Variants in PTPRD observed in about 807,000 individuals in gnomAD.
The protein encoded by PTPRD is protein tyrosine phosphatase receptor type D, also known as receptor-type tyrosine-protein phosphatase delta.
PTPRD carries 34 observed loss-of-function variants against 214.5 expected under a neutral mutation model. The ratio of observed to expected loss-of-function variants is 0.16; its 90% confidence interval spans 0.12 to 0.21. PTPRD has a LOEUF of 0.21. Among genes scored for constraint, PTPRD ranks in the 10% least tolerant of loss-of-function variants. The pLI is 1.00. For synonymous variants in PTPRD, 1,128 were observed against 845.7 expected (o/e 1.33, Z -5.79); for missense variants, 2,545 against 2,398.7 (o/e 1.06, Z -1.27).
At chr9:10,060,718 A>T (rs1050263234) in intron 3 of PTPRD, among the ~76,000 whole-genome samples, 1 of 151,850 alleles carries the variant, frequency 6.6e-6, no homozygotes, top group Non-Finnish European at 1.5e-5. Context: ...AAAAAGTATT[A>T]TATTTGAAAG....
intron 11 of PTPRD, among the ~76,000 whole-genome samples, chr9:9,012,632 G>A (rs2099516327): frequency 1.3e-5 from 2 of 152,128 alleles, no homozygotes; most frequent in African/African-American, 2.4e-5. Flanking sequence ...AAGTGGATGT[G>A]AGAACAAAAC....
chr9:9,411,623 G>A (rs564481271), intron 8 of PTPRD, among the ~76,000 whole-genome samples: 4 of 152,148 alleles, frequency 2.6e-5, no homozygotes, highest in Admixed American at 6.5e-5. Context: ...TGTATGCTGC[G>A]AAGTTGAAAG....
At chr9:8,919,962 G>T (rs549275431) in intron 11 of PTPRD, among the ~76,000 whole-genome samples, 1 of 151,010 alleles carries the variant, frequency 6.6e-6, no homozygotes, top group East Asian at 2.0e-4. Flanking sequence ...ATGTATACGT[G>T]TGTATGCATG....
At position 9,535,956 on chromosome 9, in the gene PTPRD, C is replaced by T. The variant is rs902630045; in HGVS notation, c.-237+38776G>A. The stretch of plus-strand genomic sequence containing the variant: ...ATTTGAATATGCTTGTTTAACTACT[C>T]CTAAGAGAAATCTTGTTCCTAACCA... On this transcript the variant is annotated intron_variant, in intron 8 of 45. Coordinates refer to ENST00000381196, the MANE Select transcript of PTPRD (RefSeq NM_002839.4). 2.6e-5 allele frequency among the ~76,000 whole-genome samples: 4 copies of T among 151,964 alleles called. No individual in the cohort carries two copies. In the South Asian group the frequency reaches 8.3e-4, roughly 31 times the overall value.
At chr9:8,624,445 G>A (rs923229543) in intron 14 of PTPRD, among the ~76,000 whole-genome samples, 4 of 151,692 alleles carry the variant, frequency 2.6e-5, no homozygotes, top group South Asian at 2.1e-4. Context: ...CCATAGCCAC[G>A]TATACATATA....
At chr9:10,598,519 C>T (rs1167808376) in intron 2 of PTPRD, among the ~76,000 whole-genome samples, 1 of 151,762 alleles carries the variant, frequency 6.6e-6, no homozygotes, top group Non-Finnish European at 1.5e-5. Context: ...AGTCACATTC[C>T]TTATTGCACA....
chr9:9,785,019 G>GA (rs905693082), intron 5 of PTPRD, among the ~76,000 whole-genome samples: 145 of 144,736 alleles, frequency 1.0e-3, no homozygotes, highest in African/African-American at 2.2e-3. Flanking sequence ...ACATGTTTTG[G>GA]AAAAAAAAAA....
At chr9:9,313,408 C>T (rs1322860786) in intron 9 of PTPRD, among the ~76,000 whole-genome samples, 2 of 152,060 alleles carry the variant, frequency 1.3e-5, no homozygotes, top group Non-Finnish European at 2.9e-5. Context: ...GTCTTGAGTT[C>T]ACCTGGAAAT....
chr9:9,438,433 C>T (rs2086190730), intron 8 of PTPRD, among the ~76,000 whole-genome samples: 1 of 152,190 alleles, frequency 6.6e-6, no homozygotes, highest in Admixed American at 6.5e-5. Flanking sequence ...AAAGTTCCTT[C>T]TGACTTCTTT....
intron 5 of PTPRD, among the ~76,000 whole-genome samples, chr9:9,885,431 T>C (rs552484603): frequency 4.8e-4 from 73 of 152,234 alleles, no homozygotes; most frequent in African/African-American, 1.7e-3. Context: ...ATCCCCTTCA[T>C]TATATGATAA....
chr9:9,205,481 G>C (rs1412806915), intron 9 of PTPRD, among the ~76,000 whole-genome samples: 2 of 151,996 alleles, frequency 1.3e-5, no homozygotes, highest in African/African-American at 4.8e-5. Context: ...TAATAATATA[G>C]ATCCAAAAGA....
chr9:10,200,297 A>G (rs2099414511), intron 3 of PTPRD, among the ~76,000 whole-genome samples: 1 of 152,132 alleles, frequency 6.6e-6, no homozygotes, highest in Admixed American at 6.6e-5. Context: ...CATATAGATC[A>G]GTGGTTTTCA....
At chr9:8,948,456 T>C (rs2099080747) in intron 11 of PTPRD, among the ~76,000 whole-genome samples, 1 of 13,400 alleles carries the variant, frequency 7.5e-5, no homozygotes, top group African/African-American at 1.5e-4. Context: ...TATATATTTA[T>C]ATATATATTT....
chr9:10,565,791 C>T (rs982906811), intron 2 of PTPRD, among the ~76,000 whole-genome samples: 3 of 151,842 alleles, frequency 2.0e-5, no homozygotes, highest in African/African-American at 7.2e-5. Context: ...CACACATTTA[C>T]TTCATCACTT....
At chr9:10,150,021 G>A (rs748347972) in intron 3 of PTPRD, among the ~76,000 whole-genome samples, 9 of 152,058 alleles carry the variant, frequency 5.9e-5, no homozygotes, top group South Asian at 4.1e-4. Context: ...GAGCCATGGC[G>A]TCTGGCCCTA....
chr9:9,458,651 G>A lies in PTPRD; in HGVS notation c.-236-61169C>T, dbSNP rs570681552. On this transcript the variant is annotated intron_variant, in intron 8 of 45. Transcript: ENST00000381196. Reference sequence around the variant, plus strand: ...CAGTGGATGCCAGCTATCTCAGAAAGACAAAAATGACCAAGTAGAGTGGCT... The same window carrying A: ...CAGTGGATGCCAGCTATCTCAGAAAAACAAAAATGACCAAGTAGAGTGGCT... Among the ~76,000 whole-genome samples, 97 of 152,122 alleles carry A rather than the reference G, an allele frequency of 6.4e-4. 1 individual carries two copies. The highest frequency in any genetic ancestry group is 6.9e-4 in the Non-Finnish European group (47 of 67,972).
chr9:8,673,742 A>G (rs1055845852), intron 12 of PTPRD, among the ~76,000 whole-genome samples: 2 of 152,172 alleles, frequency 1.3e-5, no homozygotes, highest in African/African-American at 4.8e-5. Context: ...TAAGGAAAAT[A>G]TCTCTATTTG....
intron 14 of PTPRD, among the ~76,000 whole-genome samples, chr9:8,556,542 C>T (rs931503482): frequency 6.7e-6 from 1 of 148,316 alleles, no homozygotes; most frequent in Non-Finnish European, 1.5e-5. Flanking sequence ...TGCATGTACA[C>T]ATACTTGTGT....
chr9:9,317,629 C>T (rs1255724983), intron 9 of PTPRD, among the ~76,000 whole-genome samples: 1 of 152,038 alleles, frequency 6.6e-6, no homozygotes, highest in Non-Finnish European at 1.5e-5. Context: ...TTATACTCCA[C>T]ATTGATGCTG....
Sources: allele counts gnomAD v4.1 joint callset (sites outside exome capture counted in the v4.1 genomes callset), GRCh38; gene constraint gnomAD v4.1.1; transcripts MANE v1.5; gene names NCBI Gene and HGNC (gene_info 2026-07-23, HGNC 2026-07-21).